Variants in NPSR1 observed in about 807,000 individuals in gnomAD.
The protein encoded by NPSR1 is neuropeptide S receptor 1, also known as neuropeptide S receptor.
NPSR1 carries 48 observed loss-of-function variants against 46.9 expected under a neutral mutation model. The observed-to-expected ratio is 1.02, with a 90% CI of 0.81 to 1.30. The LOEUF (loss-of-function observed/expected upper bound fraction) is 1.30, where lower values mean the gene tolerates loss of function less well. Ranked by LOEUF, NPSR1 falls within the 50% of genes most tolerant of loss-of-function variation. The pLI, the probability that NPSR1 is intolerant of heterozygous loss-of-function variation, is 0.00. For missense variants in NPSR1, 450 were observed against 449.5 expected, an observed-to-expected ratio of 1.00 and a Z score of -0.01; for synonymous variants, 176 against 168.1, an observed-to-expected ratio of 1.05 and a Z score of -0.36.
chr7:34,694,128 T>C (rs546633459), intron 2 of NPSR1, among the ~76,000 whole-genome samples: 1 of 152,134 alleles, frequency 6.6e-6, no homozygotes, highest in Non-Finnish European at 1.5e-5. Flanking sequence ...CTATTCAACA[T>C]AGCACTGAAA....
At chr7:34,783,511 G>A (rs1787324631) in intron 3 of NPSR1, among the ~76,000 whole-genome samples, 1 of 152,070 alleles carries the variant, frequency 6.6e-6, no homozygotes, top group African/African-American at 2.4e-5. Context: ...TGAGATTTGG[G>A]TAGGAACATA....
chr7:34,763,992 C>A (rs1252135792), intron 2 of NPSR1, among the ~76,000 whole-genome samples: 2 of 152,098 alleles, frequency 1.3e-5, no homozygotes, highest in East Asian at 3.8e-4. Flanking sequence ...TTATAAAAAT[C>A]TCTGCAATGA....
intron 3 of NPSR1, among the ~76,000 whole-genome samples, chr7:34,808,521 T>C (rs1044501588): frequency 5.9e-5 from 9 of 152,206 alleles, no homozygotes; most frequent in African/African-American, 2.2e-4. Context: ...CCTGAAATGT[T>C]CCATAGTCAT....
intron 3 of NPSR1, among the ~76,000 whole-genome samples, chr7:34,783,101 A>T (rs1787306084): frequency 6.6e-6 from 1 of 152,168 alleles, no homozygotes; most frequent in Admixed American, 6.6e-5. Context: ...AAGAAAAAAG[A>T]ATGAGAAAAG....
chr7:34,765,472 G>A (rs1353638905), intron 2 of NPSR1, among the ~76,000 whole-genome samples: 2 of 152,212 alleles, frequency 1.3e-5, no homozygotes, highest in Non-Finnish European at 2.9e-5. Context: ...ATACACTATT[G>A]ATGGAAATGT....
At chr7:34,667,609 T>C (rs1440355385) in intron 1 of NPSR1, among the ~76,000 whole-genome samples, 20 of 151,942 alleles carry the variant, frequency 1.3e-4, no homozygotes. Flanking sequence ...TTGCTAAAGA[T>C]AAATAAAAAA....
At chr7:34,676,413 C>T (rs1027529917) in intron 1 of NPSR1, among the ~76,000 whole-genome samples, 2 of 152,206 alleles carry the variant, frequency 1.3e-5, no homozygotes, top group Admixed American at 6.5e-5. Context: ...ATCAACTTTT[C>T]GTCCACGAGG....
chr7:34,875,476 C>T (rs1791553016), intron 8 of NPSR1, among the ~76,000 whole-genome samples: 1 of 152,208 alleles, frequency 6.6e-6, no homozygotes, highest in African/African-American at 2.4e-5. Flanking sequence ...AGATGGAAGG[C>T]TGCAAATTCA....
At chr7:34,827,641 G>GGGT in intron 5 of NPSR1, 39 bp downstream of exon 5, 1 of 728,946 alleles carries the variant, frequency 1.4e-6, no homozygotes, top group Non-Finnish European at 2.1e-6. Context: ...GGGGGGGTGG[G>GGGT]GCGGGGGGGG....
chr7:34,687,587 C>A (rs1793001050), intron 2 of NPSR1, among the ~76,000 whole-genome samples: 1 of 152,176 alleles, frequency 6.6e-6, no homozygotes, highest in South Asian at 2.1e-4. Context: ...CACTCATTAT[C>A]ACAACAACAG....
At chr7:34,726,090 T>C (rs1784136650) in intron 2 of NPSR1, among the ~76,000 whole-genome samples, 1 of 152,212 alleles carries the variant, frequency 6.6e-6, no homozygotes, top group African/African-American at 2.4e-5. Flanking sequence ...CTCAGGTACG[T>C]CTTTATTAGC....
chr7:34,677,406 AAGAG>A (rs1792373123), intron 1 of NPSR1, among the ~76,000 whole-genome samples: 1 of 152,208 alleles, frequency 6.6e-6, no homozygotes, highest in African/African-American at 2.4e-5. Flanking sequence ...GAGAACATGA[AAGAG>A]AGATATAGTC....
intron 8 of NPSR1, among the ~76,000 whole-genome samples, chr7:34,872,576 A>G (rs1481301440): frequency 1.3e-5 from 2 of 151,802 alleles, no homozygotes; most frequent in South Asian, 2.1e-4. Context: ...AGACTGGGTG[A>G]TCTATTCAGG....
chr7:34,836,695 AAAGG>A (rs1014530170), intron 6 of NPSR1, among the ~76,000 whole-genome samples: 16 of 147,756 alleles, frequency 1.1e-4, no homozygotes, highest in African/African-American at 2.2e-4. Flanking sequence ...AGGGAGGGAG[AAAGG>A]AAGGAAGGAA....
In NPSR1 at chr7:34,849,673, G is replaced by A. The variant is rs374491903; in HGVS notation, c.*18G>A. 34 of 1,613,378 alleles carry A rather than the reference G, an allele frequency of 2.1e-5. No individual in the cohort carries two copies. Among genetic ancestry groups the A allele is most frequent in the Non-Finnish European group, 1.4e-5 (17 of 1,179,780 alleles). On this transcript the variant is annotated 3_prime_UTR_variant, in exon 9 of 9. Coordinates refer to ENST00000360581, the MANE Select transcript of NPSR1 (RefSeq NM_207172.2). The stretch of plus-strand genomic sequence containing the variant: ...TCATCTAGACCCTAGGGCAGTGCCA[G>A]TGCTAGGCTGAGCACCATCAGCTCT...
chr7:34,672,650 G>A (rs987577699), intron 1 of NPSR1, among the ~76,000 whole-genome samples: 1 of 152,166 alleles, frequency 6.6e-6, no homozygotes, highest in Non-Finnish European at 1.5e-5. Context: ...ATGTCCTGGA[G>A]ACTAAACTAA....
intron 2 of NPSR1, chr7:34,751,686 C>T (rs1785540442): frequency 6.3e-7 from 1 of 1,589,938 alleles, no homozygotes; most frequent in African/African-American, 1.3e-5. Context: ...AGAGGTTCAT[C>T]AACAGGAAAG....
At chr7:34,811,072 A>G (rs546698999) in intron 3 of NPSR1, among the ~76,000 whole-genome samples, 233 of 152,198 alleles carry the variant, frequency 1.5e-3, no homozygotes, top group Middle Eastern at 3.4e-3. Flanking sequence ...TGACTCCTGA[A>G]GCCCCAGTGT....
chr7:34,813,103 C>A (rs1036789676), intron 4 of NPSR1, among the ~76,000 whole-genome samples: 1 of 152,108 alleles, frequency 6.6e-6, no homozygotes, highest in Non-Finnish European at 1.5e-5. Flanking sequence ...AACACCCACA[C>A]GTGTGCATGT....
Sources: gnomAD v4.1 joint callset for allele counts (sites outside exome capture counted in the v4.1 genomes callset) on GRCh38, gnomAD v4.1.1 for gene constraint, MANE v1.5 for transcripts, NCBI Gene and HGNC (gene_info 2026-07-23, HGNC 2026-07-21) for gene names.